ETV3L: variants seen among roughly 807,000 people sequenced by gnomAD.
ETV3L encodes ETS translocation variant 3-like protein.
Under a neutral mutation model 27.6 loss-of-function variants are expected in ETV3L, and 30 were observed. The ratio of observed to expected loss-of-function variants is 1.09; its 90% CI spans 0.81 to 1.48. The LOEUF (loss-of-function observed/expected upper bound fraction) is 1.48, where lower values mean the gene tolerates loss of function less well. Among genes scored for constraint, ETV3L ranks in the 40% most tolerant of loss-of-function variants. The pLI is 0.00. For synonymous variants in ETV3L, 186 were observed against 188.9 expected, an observed-to-expected ratio of 0.98 and a Z score of 0.12; for missense variants, 443 against 455.6, an observed-to-expected ratio of 0.97 and a Z score of 0.25.
In ETV3L at chr1:157,098,770, TG is replaced by T; in HGVS notation, c.421del (p.His141ThrfsTer38). ...LWEVRAPPSP[H>X]LLLGAPALCR... is the part of the protein sequence containing the mutation. Reference sequence around the variant, plus strand: ...CAGGGCAGGGGCCCCCAGCAGCAAGTGGGGGGATGGCGGCGCCCGCACTTCC... The same window carrying T: ...CAGGGCAGGGGCCCCCAGCAGCAAGTGGGGGATGGCGGCGCCCGCACTTCC... On this transcript the variant is annotated frameshift_variant, in exon 3 of 5. Coordinates refer to ENST00000454449, the MANE Select transcript of ETV3L (RefSeq NM_001004341.2). LOFTEE classifies it high-confidence loss of function. The T allele has an allele frequency of 1.2e-6, 2 of 1,613,558 alleles. No homozygotes were observed. Among genetic ancestry groups the T allele is most frequent in the Non-Finnish European group, 8.5e-7 (1 of 1,179,786 alleles).
rs144577755 is a variant in ETV3L at position 157,099,035 on chromosome 1, A to T, written c.296+106T>A. ...ACTAGGCTGCTCACCACAGGCCAGG[A>T]CACTTCCCAAGCCTTGGAGGGGTGG... On this transcript the variant is annotated intron_variant, in intron 2 of 4. Transcript: ENST00000454449. 1,269 of 1,528,052 alleles carry T rather than the reference A, an allele frequency of 8.3e-4. 14 individuals are homozygous for T. The African/African-American group carries it at 0.016, about 19-fold the overall frequency. 94.7% of individuals were successfully genotyped at this position (1,528,052 alleles called of 1,614,324 possible).
chr1:157,099,139 A>G lies in ETV3L; in HGVS notation c.296+2T>C, dbSNP rs1317813542. 2.5e-6 allele frequency: 4 copies of G among 1,613,012 alleles called. No individual in the cohort carries two copies. The highest frequency in any genetic ancestry group is 3.4e-6 in the Non-Finnish European group (4 of 1,179,642). ...TTGGCCATGTCAGCCGCCTCCTCTC[A>G]CCTGAGGGCCCGGCTCAGCTTGTCA... On this transcript the variant is annotated splice_donor_variant, in intron 2 of 4. Coordinates refer to ENST00000454449, the MANE Select transcript of ETV3L (RefSeq NM_001004341.2). LOFTEE classifies it high-confidence loss of function.
chr1:157,097,739 T>C (rs1674260936), intron 4 of ETV3L, 129 bp downstream of exon 4: 1 of 1,176,256 alleles, frequency 8.5e-7, no homozygotes, highest in Non-Finnish European at 1.2e-6. Flanking sequence ...TCAATAAATG[T>C]TGGTCGAATG....
chr1:157,099,232 C>G lies in ETV3L; in HGVS notation c.205G>C (p.Val69Leu), dbSNP rs1239172810. 6.2e-7 allele frequency: 1 copy of G among 1,613,856 alleles called. No homozygotes were observed. The highest frequency in any genetic ancestry group is 1.3e-5 in the African/African-American group (1 of 75,036). ...GCCACCTCATCTGGATCCTTGATGA[C>G]AAATTCCCCGTACTCTCCCTGCTGC... is the stretch of plus-strand genomic sequence containing the variant. ...AWQQGEYGEF[V>L]IKDPDEVARL... The change falls in exon 2 of 5, where the codon GTC (valine) becomes CTC (leucine). Residue 69 changes from valine to leucine, a missense_variant. Transcript: ENST00000454449.
chr1:157,097,107 C>G (rs1674239595), intron 4 of ETV3L, among the ~76,000 whole-genome samples: 1 of 152,016 alleles, frequency 6.6e-6, no homozygotes, highest in African/African-American at 2.4e-5. Context: ...CATCGCAAGA[C>G]TTGCTCTCCA....
intron 4 of ETV3L, among the ~76,000 whole-genome samples, chr1:157,093,923 C>T (rs1004248561): frequency 1.8e-4 from 28 of 152,190 alleles, no homozygotes; most frequent in African/African-American, 6.8e-4. Context: ...CAAGGGCACT[C>T]GGCTGAGTTA....
At position 157,098,856 on chromosome 1, in the gene ETV3L, G is replaced by T; in HGVS notation, c.336C>A (p.Gly112=). Residue 112 remains glycine (G), a synonymous_variant, in exon 3 of 5, where the codon GGC becomes GGA. Transcript: ENST00000454449. ...YNKRILHKTK[G]KRFTYKFNFS... is the part of the protein sequence containing the mutation. ...AGTTGAACTTGTATGTGAACCTTTTGCCTTTGGTCTTATGCAGGATCCTCT... is the reference window on the plus strand; with the variant it reads ...AGTTGAACTTGTATGTGAACCTTTTTCCTTTGGTCTTATGCAGGATCCTCT... 2.5e-6 allele frequency: 4 copies of T among 1,613,980 alleles called. No individual in the cohort carries two copies. Among genetic ancestry groups the T allele is most frequent in the Non-Finnish European group, 3.4e-6 (4 of 1,179,962 alleles).
chr1:157,092,637 C>T lies in ETV3L; in HGVS notation c.*12G>A. The T allele has an allele frequency of 6.3e-7, 1 of 1,575,656 alleles. No homozygotes were observed. Among genetic ancestry groups the T allele is most frequent in the Non-Finnish European group, 8.6e-7 (1 of 1,159,422 alleles). On this transcript the variant is annotated 3_prime_UTR_variant, in exon 5 of 5. Coordinates refer to ENST00000454449, the MANE Select transcript of ETV3L (RefSeq NM_001004341.2). Reference sequence around the variant, plus strand: ...GGAGGACTCCTCCCCAACTTCCCACCTTCCTCTCTAGTTAAGGAGGATCCA... The same window carrying T: ...GGAGGACTCCTCCCCAACTTCCCACTTTCCTCTCTAGTTAAGGAGGATCCA...
At chr1:157,093,921 C>T (rs769716061) in intron 4 of ETV3L, among the ~76,000 whole-genome samples, 3 of 152,218 alleles carry the variant, frequency 2.0e-5, no homozygotes, top group Non-Finnish European at 4.4e-5. Context: ...TCCAAGGGCA[C>T]TCGGCTGAGT....
intron 4 of ETV3L, among the ~76,000 whole-genome samples, chr1:157,097,302 G>C (rs926792631): frequency 6.6e-6 from 1 of 151,492 alleles, no homozygotes; most frequent in Admixed American, 6.6e-5. Context: ...GTGAAACCCC[G>C]TCTTTACTAA....
intron 4 of ETV3L, among the ~76,000 whole-genome samples, chr1:157,095,420 C>G (rs1262259667): frequency 6.6e-6 from 1 of 152,122 alleles, no homozygotes; most frequent in Non-Finnish European, 1.5e-5. Flanking sequence ...TGACCTATAC[C>G]TGCTTAGCAT....
At chr1:157,095,674 T>G (rs1571680528) in intron 4 of ETV3L, among the ~76,000 whole-genome samples, 5 of 145,202 alleles carry the variant, frequency 3.4e-5, no homozygotes, top group Admixed American at 1.4e-4. Context: ...TGGGTGGGGG[T>G]GGAGAAACAG....
Position 157,098,805 on chromosome 1 carries a change from A to G in ETV3L, c.387T>C (p.Tyr129=). ...FNFSKLIVVN[Y]PLWEVRAPPS... is the part of the protein sequence containing the mutation. ...GCGGCGCCCGCACTTCCCACAAAGG[A>G]TAGTTGACTACGATGAGCTTGCTGA... The change falls in exon 3 of 5, where the codon TAT becomes TAC. Residue 129 remains tyrosine, a synonymous_variant. Transcript: ENST00000454449. 7.4e-6 allele frequency: 12 copies of G among 1,614,112 alleles called. No individual in the cohort carries two copies. The highest frequency in any genetic ancestry group is 1.0e-5 in the Non-Finnish European group (12 of 1,179,994).
intron 3 of ETV3L, 66 bp downstream of exon 3, chr1:157,098,640 G>T: frequency 7.0e-7 from 1 of 1,427,842 alleles, no homozygotes; most frequent in East Asian, 2.4e-5. Flanking sequence ...AGGAGGGTGG[G>T]GAGCCTCCTG....
At chr1:157,097,781 A>T in intron 4 of ETV3L, 87 bp downstream of exon 4, 1 of 1,516,874 alleles carries the variant, frequency 6.6e-7, no homozygotes, top group Non-Finnish European at 9.0e-7. Context: ...CCCTTGTCTC[A>T]TGCCCCCTCA....
Position 157,097,942 on chromosome 1 carries a change from A to C in ETV3L, c.533T>G (p.Leu178Arg). 1 of 1,613,608 alleles carries C rather than the reference A, an allele frequency of 6.2e-7. No individual in the cohort carries two copies. The highest frequency in any genetic ancestry group is 1.7e-5 in the Admixed American group (1 of 59,968). The stretch of plus-strand genomic sequence containing the variant: ...CCCTCGGGGGGTCTGCTGTCCTGTC[A>C]GCTGCTCCACCATGGCCTGATGGGC... ...LFAHQAMVEQLTGQQTPRGPP... is the reference protein window; with the variant it reads ...LFAHQAMVEQRTGQQTPRGPP... The change falls in exon 4 of 5, where the codon CTG becomes CGG. Residue 178 changes from leucine to arginine, a missense_variant. Coordinates refer to ENST00000454449, the MANE Select transcript of ETV3L (RefSeq NM_001004341.2).
intron 4 of ETV3L, among the ~76,000 whole-genome samples, chr1:157,095,076 C>T (rs528006405): frequency 4.6e-5 from 7 of 152,272 alleles, no homozygotes; most frequent in African/African-American, 1.7e-4. Context: ...TCAGAACACC[C>T]TCTCTCTGGG....
Position 157,092,818 on chromosome 1 carries a change from C to G in ETV3L, c.917G>C (p.Arg306Thr). The change falls in exon 5 of 5, where the codon AGG (arginine) becomes ACG (threonine). Residue 306 changes from arginine (R) to threonine (T), a missense_variant. Arg to Thr is a moderately conservative substitution (Grantham distance 71). Coordinates refer to ENST00000454449, the MANE Select transcript of ETV3L (RefSeq NM_001004341.2). The part of the protein sequence containing the change: ...AGERLWLLSL[R>T]PEGLEVKPAP... The stretch of plus-strand genomic sequence containing the variant: ...AGGCTTTACTTCCAGCCCCTCGGGC[C>G]TGAGGGACAAGAGCCAAAGCCTCTC... 1.9e-6 allele frequency: 3 copies of G among 1,614,152 alleles called. No individual in the cohort carries two copies. Among genetic ancestry groups the G allele is most frequent in the Non-Finnish European group, 2.5e-6 (3 of 1,179,998 alleles).
intron 4 of ETV3L, among the ~76,000 whole-genome samples, chr1:157,094,904 ACT>A (rs1674190233): frequency 1.2e-5 from 1 of 85,764 alleles, no homozygotes; most frequent in African/African-American, 4.4e-5. Context: ...CAAAAGTGAA[ACT>A]CTGTCTCAAA....
Sources: allele counts gnomAD v4.1 joint callset (sites outside exome capture counted in the v4.1 genomes callset), GRCh38; gene constraint gnomAD v4.1.1; transcripts MANE v1.5; gene names NCBI Gene and HGNC (gene_info 2026-07-23, HGNC 2026-07-21).